The following HMBOX1 variants were observed in gnomAD, a reference collection of about 807,000 sequenced individuals.
The protein encoded by HMBOX1 is homeobox containing 1, also known as homeobox-containing protein 1.
HMBOX1 carries 14 observed loss-of-function variants against 54.5 expected under a neutral mutation model. That is an observed-to-expected ratio of 0.26 (90% confidence interval 0.17 to 0.40). The LOEUF (loss-of-function observed/expected upper bound fraction) is 0.40, where lower values mean the gene tolerates loss of function less well. HMBOX1 is among the 10% of genes least tolerant of loss of function. The pLI, the probability that HMBOX1 is intolerant of heterozygous loss-of-function variation, is 1.00. For missense variants in HMBOX1, 332 were observed against 514.4 expected (o/e 0.65, Z 3.43); for synonymous variants, 160 against 181.0 (o/e 0.88, Z 0.93).
rs749698279 is a variant in HMBOX1, at chr8:28,983,007, C to T, written c.586+2851C>T. Reference sequence around the variant, plus strand: ...TCCTGGGATTACAGGTGTGAGCCACCGCACCCGGCTATCATCTCCTGTTTT... The same window carrying T: ...TCCTGGGATTACAGGTGTGAGCCACTGCACCCGGCTATCATCTCCTGTTTT... On this transcript the variant is annotated intron_variant, in intron 4 of 9. Coordinates refer to ENST00000287701, the MANE Select transcript of HMBOX1 (RefSeq NM_001135726.3). 2.6e-5 allele frequency among the ~76,000 whole-genome samples: 4 copies of T among 152,142 alleles called. No individual in the cohort carries two copies. The East Asian group carries it at 5.8e-4, about 22-fold the overall frequency.
intron 4 of HMBOX1, among the ~76,000 whole-genome samples, chr8:28,988,506 A>C (rs1181836482): frequency 2.0e-5 from 3 of 152,188 alleles, no homozygotes; most frequent in African/African-American, 7.2e-5. Context: ...GAAACTGCCA[A>C]ACTGTTTTCC....
chr8:28,992,411 C>T (rs1478835043), intron 4 of HMBOX1, among the ~76,000 whole-genome samples: 1 of 152,162 alleles, frequency 6.6e-6, no homozygotes, highest in African/African-American at 2.4e-5. Flanking sequence ...TCATTCATGT[C>T]TCTCCAGATT....
chr8:28,934,033 C>T (rs566137716), intron 1 of HMBOX1, among the ~76,000 whole-genome samples: 1 of 152,014 alleles, frequency 6.6e-6, no homozygotes, highest in East Asian at 1.9e-4. Context: ...GGCCAGTGTC[C>T]CTTAGAAACA....
chr8:28,976,389 G>A (rs1189288719), intron 3 of HMBOX1, among the ~76,000 whole-genome samples: 1 of 152,114 alleles, frequency 6.6e-6, no homozygotes, highest in Non-Finnish European at 1.5e-5. Context: ...AGGGAGTATT[G>A]ATGCTTTTTG....
At chr8:29,026,630 T>C (rs1802090556) in intron 6 of HMBOX1, among the ~76,000 whole-genome samples, 1 of 152,226 alleles carries the variant, frequency 6.6e-6, no homozygotes, top group Non-Finnish European at 1.5e-5. Context: ...GTTTTTCCTT[T>C]TTCTAATGAG....
intron 3 of HMBOX1, among the ~76,000 whole-genome samples, chr8:28,979,342 A>C (rs761230287): frequency 1.3e-5 from 2 of 152,218 alleles, no homozygotes; most frequent in Non-Finnish European, 2.9e-5. Context: ...GTCTAAGTAA[A>C]AATTTGTAAC....
At chr8:28,923,700 T>A (rs914641862) in intron 1 of HMBOX1, among the ~76,000 whole-genome samples, 3 of 152,244 alleles carry the variant, frequency 2.0e-5, no homozygotes, top group Admixed American at 2.0e-4. Context: ...ACACAGTGGC[T>A]GTACCATTTT....
chr8:28,954,737 A>T (rs1176816585), intron 1 of HMBOX1, among the ~76,000 whole-genome samples: 1 of 152,172 alleles, frequency 6.6e-6, no homozygotes, highest in East Asian at 1.9e-4. Context: ...TACCCTAATG[A>T]TGTACTTACA....
At chr8:29,020,713 A>C (rs1586533942) in intron 6 of HMBOX1, among the ~76,000 whole-genome samples, 1 of 152,242 alleles carries the variant, frequency 6.6e-6, no homozygotes. Context: ...AGAAGGTCAC[A>C]CAGTATGATT....
chr8:28,974,105 T>C (rs6984945), intron 3 of HMBOX1, among the ~76,000 whole-genome samples: 133,942 of 152,132 alleles, frequency 0.88, 59,008 homozygotes, highest in East Asian at 0.95. Context: ...TGAGCCACTG[T>C]GCCCAGCTCA....
intron 5 of HMBOX1, among the ~76,000 whole-genome samples, chr8:29,010,813 G>T (rs1309034982): frequency 6.6e-6 from 1 of 151,950 alleles, no homozygotes; most frequent in African/African-American, 2.4e-5. Flanking sequence ...TCTCTTTTAG[G>T]TTGGAAAATT....
intron 5 of HMBOX1, among the ~76,000 whole-genome samples, chr8:29,014,593 AATGTAACATT>A (rs1213516828): frequency 1.3e-5 from 2 of 152,258 alleles, no homozygotes; most frequent in African/African-American, 4.8e-5. Context: ...TCTGAAAAGT[AATGTAACATT>A]ATGTTTTAAA....
At chr8:29,040,948 T>A (rs1477579137) in intron 6 of HMBOX1, among the ~76,000 whole-genome samples, 3 of 152,176 alleles carry the variant, frequency 2.0e-5, no homozygotes, top group Non-Finnish European at 4.4e-5. Flanking sequence ...AGAGATAGCA[T>A]GGCTTTATCT....
chr8:29,034,686 T>C (rs1005146201), intron 6 of HMBOX1, among the ~76,000 whole-genome samples: 7 of 152,134 alleles, frequency 4.6e-5, no homozygotes, highest in Non-Finnish European at 8.8e-5. Context: ...TGAAACCCTG[T>C]CTCTACTAAA....
At chr8:28,998,598 C>CT (rs923180547) in intron 4 of HMBOX1, among the ~76,000 whole-genome samples, 9 of 152,140 alleles carry the variant, frequency 5.9e-5, no homozygotes, top group South Asian at 2.1e-4. Flanking sequence ...CTGCCAATCT[C>CT]TGTCTTCTTA....
chr8:28,909,262 T>A (rs1814948808), intron 1 of HMBOX1, among the ~76,000 whole-genome samples: 1 of 152,216 alleles, frequency 6.6e-6, no homozygotes, highest in Admixed American at 6.5e-5. Context: ...AGCAATGTTT[T>A]TTGAACTATT....
upstream of HMBOX1, chr8:28,890,202 G>T (rs1326463066): frequency 2.9e-6 from 1 of 340,144 alleles, no homozygotes; most frequent in Non-Finnish European, 5.6e-6. Context: ...GGCCCATGGT[G>T]TTCTGGGATG....
intron 1 of HMBOX1, among the ~76,000 whole-genome samples, chr8:28,954,929 A>C (rs897197062): frequency 5.3e-5 from 8 of 152,124 alleles, no homozygotes; most frequent in African/African-American, 1.4e-4. Flanking sequence ...ACTAGGGTAG[A>C]ACGAGCCATC....
At chr8:29,018,445 G>A (rs991273625) in intron 5 of HMBOX1, among the ~76,000 whole-genome samples, 5 of 152,054 alleles carry the variant, frequency 3.3e-5, no homozygotes, top group African/African-American at 4.8e-5. Context: ...CTTTCATGCT[G>A]TATTTCACTC....
Sources: gnomAD v4.1 joint callset for allele counts (sites outside exome capture counted in the v4.1 genomes callset) on GRCh38, gnomAD v4.1.1 for gene constraint, MANE v1.5 for transcripts, NCBI Gene and HGNC (gene_info 2026-07-23, HGNC 2026-07-21) for gene names.